The following FMR1NB variants were observed in gnomAD, a reference collection of about 807,000 sequenced individuals.
FMR1NB encodes FMR1 neighbor, also known as FMR1 neighbor protein.
Under a neutral mutation model 16.8 loss-of-function variants are expected in FMR1NB, and 10 were observed. That is an observed-to-expected ratio of 0.60 (90% CI 0.37 to 1.01). FMR1NB has a LOEUF of 1.01. FMR1NB is among the 50% of genes least tolerant of loss of function. The probability of loss-of-function intolerance (pLI) is 0.01; values close to 1 mark genes in which losing one functional copy is unlikely to be tolerated. For missense variants in FMR1NB, 205 were observed against 204.8 expected, an observed-to-expected ratio of 1.00 and a Z score of 0.00; for synonymous variants, 83 against 79.1, an observed-to-expected ratio of 1.05 and a Z score of -0.26.
chrX:148,022,339 C>G (rs900965483), intron 4 of FMR1NB, among the ~76,000 whole-genome samples: 5 of 111,733 alleles, frequency 4.5e-5, no homozygotes, highest in African/African-American at 1.6e-4. Context: ...CTGCCTTCTA[C>G]CAACCTCTGA....
intron 1 of FMR1NB, among the ~76,000 whole-genome samples, chrX:147,989,655 C>A (rs5904826): frequency 9.9e-5 from 11 of 111,409 alleles, no homozygotes; most frequent in Non-Finnish European, 1.9e-4. Context: ...CCCAGTGAGA[C>A]GGGAGTTATA....
At position 148,022,102 on chromosome X, in the gene FMR1NB, T is replaced by C. The variant is rs782703456; in HGVS notation, c.633-2763T>C. ...GAATTTCCAGTGAGCTCACTTAACA[T>C]TTCCAGCCATGCCACTCTACTAGAT... On this transcript the variant is annotated intron_variant, in intron 4 of 5. Transcript: ENST00000370467. 2.7e-5 allele frequency among the ~76,000 whole-genome samples: 3 copies of C among 111,494 alleles called. No individual in the cohort carries two copies. The East Asian group carries it at 8.4e-4, about 31-fold the overall frequency.
intron 1 of FMR1NB, among the ~76,000 whole-genome samples, chrX:147,982,563 T>G (rs1603067397): frequency 1.3e-5 from 1 of 77,767 alleles, no homozygotes; most frequent in African/African-American, 5.4e-5. Context: ...CACTCCAGCC[T>G]GGGCGACAGA....
At chrX:147,992,971 A>C (rs1414412877) in intron 1 of FMR1NB, among the ~76,000 whole-genome samples, 2 of 104,305 alleles carry the variant, frequency 1.9e-5, no homozygotes, top group African/African-American at 7.4e-5. Flanking sequence ...CATCCCAGAC[A>C]ATGGGCGGCC....
chrX:147,995,888 G>C (rs1215014345), intron 1 of FMR1NB, among the ~76,000 whole-genome samples: 2 of 112,084 alleles, frequency 1.8e-5, no homozygotes, highest in Non-Finnish European at 3.8e-5. Context: ...GGAATCAAGA[G>C]ATCTAGGTTG....
intron 1 of FMR1NB, among the ~76,000 whole-genome samples, chrX:148,001,502 A>G (rs1204979518): frequency 9.0e-6 from 1 of 111,555 alleles, no homozygotes; most frequent in African/African-American, 3.3e-5. Context: ...ATGACATAAG[A>G]TAGGCCGGGT....
At chrX:147,983,099 T>G (rs1350915690) in intron 1 of FMR1NB, among the ~76,000 whole-genome samples, 1 of 111,902 alleles carries the variant, frequency 8.9e-6, no homozygotes, top group African/African-American at 3.2e-5. Context: ...ACTTAATTCC[T>G]TTTTATGGCT....
intron 4 of FMR1NB, among the ~76,000 whole-genome samples, chrX:148,009,569 C>T (rs1225116530): frequency 1.9e-5 from 2 of 106,439 alleles, no homozygotes; most frequent in African/African-American, 6.9e-5. Context: ...TATAGAGGTA[C>T]AGAGCACAGT....
chrX:148,000,211 A>G (rs1251347136), intron 1 of FMR1NB, among the ~76,000 whole-genome samples: 1 of 111,875 alleles, frequency 8.9e-6, no homozygotes, highest in Non-Finnish European at 1.9e-5. Flanking sequence ...ATGATTTCCT[A>G]GCAAAATAAA....
intron 4 of FMR1NB, among the ~76,000 whole-genome samples, chrX:148,021,003 A>G (rs2044675299): frequency 9.0e-6 from 1 of 111,724 alleles, no homozygotes; most frequent in Admixed American, 9.4e-5. Flanking sequence ...CTGCCTTTCA[A>G]GGTTATTGAG....
chrX:147,981,694 A>C lies in FMR1NB; in HGVS notation c.277+15A>C. On this transcript the variant is annotated intron_variant, in intron 1 of 5. Transcript: ENST00000370467. Reference sequence around the variant, plus strand: ...CCTGTGCTCCGGTGAGTGCTGGCTCAGGCCAGGCAGGGAAATGCTGGGGGA... The same window carrying C: ...CCTGTGCTCCGGTGAGTGCTGGCTCCGGCCAGGCAGGGAAATGCTGGGGGA... 1 of 788,505 alleles carries C rather than the reference A, an allele frequency of 1.3e-6. No individual in the cohort carries two copies. The highest frequency in any genetic ancestry group is 1.2e-4 in the East Asian group (1 of 8,532). The allele number at this position is 788,505 out of a possible 1,213,427, so 65.0% of individuals were successfully genotyped here. A position where few individuals can be genotyped will look rare whatever the true frequency, so the allele number is the denominator to read the frequency against.
intron 1 of FMR1NB, among the ~76,000 whole-genome samples, chrX:147,991,244 C>A (rs1334749043): frequency 1.8e-5 from 2 of 110,509 alleles, no homozygotes; most frequent in African/African-American, 6.6e-5. Flanking sequence ...CATCTCCTCT[C>A]ACAAGGGCCT....
intron 2 of FMR1NB, among the ~76,000 whole-genome samples, chrX:148,005,362 A>C (rs1557189008): frequency 9.0e-6 from 1 of 111,418 alleles, no homozygotes; most frequent in Non-Finnish European, 1.9e-5. Flanking sequence ...TGAGAAACTC[A>C]GCATGCAAGG....
chrX:148,019,797 G>A (rs1490131196), intron 4 of FMR1NB, among the ~76,000 whole-genome samples: 3 of 111,792 alleles, frequency 2.7e-5, no homozygotes, highest in Non-Finnish European at 5.6e-5. Context: ...GAGCTTTGGG[G>A]TGAGGTGACC....
intron 2 of FMR1NB, among the ~76,000 whole-genome samples, 164 bp from the exon 3 acceptor site, chrX:148,006,538 G>A (rs1262946736): frequency 8.9e-6 from 1 of 112,330 alleles, no homozygotes; most frequent in African/African-American, 3.2e-5. Flanking sequence ...AAATAACTTA[G>A]TGGTAACTTT....
intron 4 of FMR1NB, among the ~76,000 whole-genome samples, chrX:148,020,089 G>T (rs1557190503): frequency 9.8e-5 from 11 of 112,188 alleles, no homozygotes; most frequent in Non-Finnish European, 1.9e-4. Context: ...GTGTTCTGTT[G>T]TACTGCAGGT....
chrX:148,022,912 A>G (rs1379115885), intron 4 of FMR1NB, among the ~76,000 whole-genome samples: 1 of 112,188 alleles, frequency 8.9e-6, no homozygotes, highest in African/African-American at 3.2e-5. Context: ...GCATTAGAAA[A>G]AAGCATAAGT....
intron 1 of FMR1NB, among the ~76,000 whole-genome samples, chrX:147,996,633 A>G (rs997268980): frequency 9.0e-6 from 1 of 111,339 alleles, no homozygotes; most frequent in African/African-American, 3.3e-5. Flanking sequence ...AAAATACAAG[A>G]TCTCTCATTT....
chrX:147,982,146 C>T (rs1459397454), intron 1 of FMR1NB, among the ~76,000 whole-genome samples: 4 of 111,110 alleles, frequency 3.6e-5, no homozygotes, highest in Non-Finnish European at 7.5e-5. Flanking sequence ...AAAAATTAGC[C>T]GGGCATGGTG....
Sources: gnomAD v4.1 joint callset for allele counts (sites outside exome capture counted in the v4.1 genomes callset) on GRCh38, gnomAD v4.1.1 for gene constraint, MANE v1.5 for transcripts, NCBI Gene and HGNC (gene_info 2026-07-23, HGNC 2026-07-21) for gene names.